The following ANGPTL4 variants were observed in gnomAD, a reference collection of about 807,000 sequenced individuals.
ANGPTL4 encodes angiopoietin like 4.
ANGPTL4 carries 39 observed loss-of-function variants against 39.2 expected under a neutral mutation model. The observed-to-expected ratio is 1.00, with a 90% CI of 0.77 to 1.30. ANGPTL4 has a LOEUF of 1.30. Among genes scored for constraint, ANGPTL4 ranks in the 50% most tolerant of loss-of-function variants. The probability of loss-of-function intolerance (pLI) is 0.00; values close to 1 mark genes in which losing one functional copy is unlikely to be tolerated. For missense variants in ANGPTL4, 545 were observed against 549.8 expected, an observed-to-expected ratio of 0.99 and a Z score of 0.09; for synonymous variants, 233 against 229.5, an observed-to-expected ratio of 1.02 and a Z score of -0.14.
At chr19:8,365,611 C>T (rs950605959) in intron 1 of ANGPTL4, among the ~76,000 whole-genome samples, 1 of 151,924 alleles carries the variant, frequency 6.6e-6, no homozygotes, top group Non-Finnish European at 1.5e-5. Context: ...GCCAAGATTG[C>T]GCCACTGCAC....
intron 1 of ANGPTL4, among the ~76,000 whole-genome samples, chr19:8,365,354 T>C (rs1402144743): frequency 1.3e-5 from 2 of 150,828 alleles, no homozygotes; most frequent in Non-Finnish European, 2.9e-5. Flanking sequence ...GGTGGGCGCC[T>C]GTAATCCCAG....
At chr19:8,366,637 A>G (rs1488057816) in intron 3 of ANGPTL4, among the ~76,000 whole-genome samples, 1 of 152,002 alleles carries the variant, frequency 6.6e-6, no homozygotes, top group East Asian at 1.9e-4. Context: ...GAAGGTAGAA[A>G]TGGGGTTCGG....
chr19:8,368,833 G>A (rs188417596), intron 3 of ANGPTL4, among the ~76,000 whole-genome samples: 16 of 152,252 alleles, frequency 1.1e-4, no homozygotes, highest in East Asian at 3.9e-4. Flanking sequence ...CCAGCCTGGC[G>A]ACAGAGCGAG....
At chr19:8,372,118 G>A (rs896376175) in intron 6 of ANGPTL4, among the ~76,000 whole-genome samples, 3 of 150,540 alleles carry the variant, frequency 2.0e-5, no homozygotes, top group Admixed American at 1.3e-4. Flanking sequence ...TGCAAGTGAC[G>A]TGATCTTGGC....
At position 8,371,109 on chromosome 19, in the gene ANGPTL4, C is replaced by A. The variant is rs761889493; in HGVS notation, c.715C>A (p.Arg239=). 1.8e-5 allele frequency: 29 copies of A among 1,611,238 alleles called. No individual in the cohort carries two copies. Among genetic ancestry groups the A allele is most frequent in the Non-Finnish European group, 2.3e-5 (27 of 1,178,802 alleles). The part of the protein sequence containing the change: ...RRHDGSVDFN[R]PWEAYKAGFG... ...CCACGATGGCTCAGTGGACTTCAAC[C>A]GGCCCTGGGAAGCCTACAAGGCGGG... The change falls in exon 5 of 7, where the codon CGG becomes AGG. Residue 239 remains arginine, a synonymous_variant. Coordinates refer to ENST00000301455, the MANE Select transcript of ANGPTL4 (RefSeq NM_139314.3). This position sits in a 1 kb window ranked among gnomAD's most constrained non-coding sequence, Gnocchi z 5.1.
chr19:8,369,455 CTTTTTTTT>C (rs569969146), intron 4 of ANGPTL4, 123 bp downstream of exon 4: 3 of 324,980 alleles, frequency 9.2e-6, no homozygotes, highest in East Asian at 6.8e-5. Flanking sequence ...CCAAGCTGGT[CTTTTTTTT>C]TTTTTTTTTT....
chr19:8,371,461 C>G lies in ANGPTL4; in HGVS notation c.978C>G (p.Phe326Leu), dbSNP rs570859875. 6.2e-7 allele frequency: 1 copy of G among 1,613,382 alleles called. No individual in the cohort carries two copies. The highest frequency in any genetic ancestry group is 2.2e-5 in the East Asian group (1 of 44,868). Residue 326 changes from phenylalanine to leucine, a missense_variant, in exon 6 of 7, where the codon TTC (phenylalanine) becomes TTG (leucine). Physicochemically the swap from Phe to Leu is conservative, Grantham distance 22. Coordinates refer to ENST00000301455, the MANE Select transcript of ANGPTL4 (RefSeq NM_139314.3). This position sits in a 1 kb window ranked among gnomAD's most constrained non-coding sequence, Gnocchi z 5.1. ...CACCCAGCGGCCTCTCCGTACCCTT[C>G]TCCACTTGGGACCAGGATCACGACC... ...TVPPSGLSVP[F>L]STWDQDHDLR...
chr19:8,370,655 G>A (rs1971096098), intron 4 of ANGPTL4, among the ~76,000 whole-genome samples: 1 of 149,562 alleles, frequency 6.7e-6, no homozygotes, highest in Non-Finnish European at 1.5e-5. Flanking sequence ...AGCTGAGATT[G>A]CGGCACTGCG....
chr19:8,373,688 T>A lies in ANGPTL4; in HGVS notation c.1040-17T>A, dbSNP rs563408134. 1.2e-6 allele frequency: 2 copies of A among 1,613,720 alleles called. No homozygotes were observed. Among genetic ancestry groups the A allele is most frequent in the Non-Finnish European group, 1.7e-6 (2 of 1,179,994 alleles). On this transcript the variant is annotated splice_polypyrimidine_tract_variant and intron_variant, in intron 6 of 6. Coordinates refer to ENST00000301455, the MANE Select transcript of ANGPTL4 (RefSeq NM_139314.3). ...CTCAAAGACCTGACCATGTTCCCTC[T>A]CCCCTGACCCCGGCAGGAGGCTGGT...
rs770222749 is a variant in ANGPTL4 at position 8,371,539 on chromosome 19, A to G, written c.1039+17A>G. 6 of 1,612,678 alleles carry G rather than the reference A, an allele frequency of 3.7e-6. No individual in the cohort carries two copies. In the African/African-American group the frequency reaches 4.0e-5, roughly 11 times the overall value. ...GCCTCTCTGGTGAGCAGGCCCTGCC[A>G]TGCCACACCCAGCCAGCAGCTTCCC... On this transcript the variant is annotated intron_variant, in intron 6 of 6. Transcript: ENST00000301455. This position sits in a 1 kb window ranked among gnomAD's most constrained non-coding sequence, Gnocchi z 5.1.
In ANGPTL4 at chr19:8,364,420, G is replaced by C; in HGVS notation, c.99G>C (p.Pro33=). 1.3e-6 allele frequency: 2 copies of C among 1,549,278 alleles called. No homozygotes were observed. Among genetic ancestry groups the C allele is most frequent in the South Asian group, 2.4e-5 (2 of 84,430 alleles). Residue 33 remains proline (P), a synonymous_variant, in exon 1 of 7, where the codon CCG becomes CCC. Coordinates refer to ENST00000301455, the MANE Select transcript of ANGPTL4 (RefSeq NM_139314.3). ...AQGGPVQSKS[P]RFASWDEMNV... ...GCGGACCCGTGCAGTCCAAGTCGCCGCGCTTTGCGTCCTGGGACGAGATGA... is the reference window on the plus strand; with the variant it reads ...GCGGACCCGTGCAGTCCAAGTCGCCCCGCTTTGCGTCCTGGGACGAGATGA...
intron 4 of ANGPTL4, among the ~76,000 whole-genome samples, chr19:8,369,657 T>C (rs891685923): frequency 2.0e-5 from 3 of 151,908 alleles, no homozygotes; most frequent in Non-Finnish European, 2.9e-5. Flanking sequence ...TTTCACCATG[T>C]TGGTCTGGCT....
chr19:8,372,613 C>T (rs1022930241), intron 6 of ANGPTL4, among the ~76,000 whole-genome samples: 5 of 150,806 alleles, frequency 3.3e-5, no homozygotes, highest in Non-Finnish European at 5.9e-5. Flanking sequence ...AGCAACAGGG[C>T]GAAATCCTGT....
rs770347271 is a variant in ANGPTL4 at position 8,366,280 on chromosome 19, C to T, written c.508C>T (p.Gln170Ter). ...ARRKRLPEMA[Q>*]PVDPAHNVSR... is the part of the protein sequence containing the mutation. Reference sequence around the variant, plus strand: ...AAGAAAGAGGCTGCCCGAGATGGCCCAGCCAGTTGACCCGGCTCACAATGT... The same window carrying T: ...AAGAAAGAGGCTGCCCGAGATGGCCTAGCCAGTTGACCCGGCTCACAATGT... Residue 170 changes from glutamine to a stop codon, truncating the protein, a stop_gained, in exon 3 of 7, where the codon CAG becomes TAG. Transcript: ENST00000301455. LOFTEE classifies it high-confidence loss of function. 2.8e-5 allele frequency: 45 copies of T among 1,614,120 alleles called. No individual in the cohort carries two copies. Among genetic ancestry groups the T allele is most frequent in the Non-Finnish European group, 3.5e-5 (41 of 1,180,030 alleles).
chr19:8,364,641 T>C lies in ANGPTL4; in HGVS notation c.318+2T>C, dbSNP rs753224836. On this transcript the variant is annotated splice_donor_variant, in intron 1 of 6. Coordinates refer to ENST00000301455, the MANE Select transcript of ANGPTL4 (RefSeq NM_139314.3). LOFTEE classifies it high-confidence loss of function. ...CCTGAGGTCCTTCACAGCCTGCAGGTACGTGTCCCCAGGGCTGGTTCTCCG... is the reference window on the plus strand; with the variant it reads ...CCTGAGGTCCTTCACAGCCTGCAGGCACGTGTCCCCAGGGCTGGTTCTCCG... 1 of 1,586,690 alleles carries C rather than the reference T, an allele frequency of 6.3e-7. No individual in the cohort carries two copies. Among genetic ancestry groups the C allele is most frequent in the South Asian group, 1.1e-5 (1 of 87,106 alleles).
In ANGPTL4 at chr19:8,365,945, C is replaced by G. The variant is rs774693784; in HGVS notation, c.319-9C>G. On this transcript the variant is annotated splice_polypyrimidine_tract_variant and intron_variant, in intron 1 of 6. Transcript: ENST00000301455. Reference sequence around the variant, plus strand: ...CTGGGTCCTCACCAAGGTTTTCACCCCTCCCCAGACACAACTCAAGGCTCA... The same window carrying G: ...CTGGGTCCTCACCAAGGTTTTCACCGCTCCCCAGACACAACTCAAGGCTCA... 6.5e-5 allele frequency: 105 copies of G among 1,612,942 alleles called. No individual in the cohort carries two copies. The highest frequency in any genetic ancestry group is 3.7e-5 in the Non-Finnish European group (44 of 1,179,194).
At position 8,364,443 on chromosome 19, in the gene ANGPTL4, T is replaced by G; in HGVS notation, c.122T>G (p.Met41Arg). ...KSPRFASWDE[M>R]NVLAHGLLQL... is the part of the protein sequence containing the mutation. ...CCGCGCTTTGCGTCCTGGGACGAGA[T>G]GAATGTCCTGGCGCACGGACTCCTG... The change falls in exon 1 of 7, where the codon ATG becomes AGG. Residue 41 changes from methionine to arginine, a missense_variant. Physicochemically the swap from Met to Arg is moderately conservative, Grantham distance 91 (BLOSUM62 -1). Transcript: ENST00000301455. 1 of 1,556,378 alleles carries G rather than the reference T, an allele frequency of 6.4e-7. No homozygotes were observed. The highest frequency in any genetic ancestry group is 8.7e-7 in the Non-Finnish European group (1 of 1,152,526).
chr19:8,364,256 C>T lies in ANGPTL4; in HGVS notation c.-66C>T. On this transcript the variant is annotated 5_prime_UTR_variant, in exon 1 of 7. Transcript: ENST00000301455. ...ACCCCCGGTCCTCCGCGTCTCCAGT[C>T]CTCGCACCTGGAACCCCAACGTCCC... 2 of 1,479,926 alleles carry T rather than the reference C, an allele frequency of 1.4e-6. No homozygotes were observed. The highest frequency in any genetic ancestry group is 1.4e-5 in the African/African-American group (1 of 71,800). The allele number at this position is 1,479,926 out of a possible 1,614,324, so 91.7% of individuals were successfully genotyped here.
rs530029296 is a variant in ANGPTL4, at chr19:8,369,168, C to G, written c.548-51C>G. 1.9e-5 allele frequency: 28 copies of G among 1,498,742 alleles called. No individual in the cohort carries two copies. In the African/African-American group the frequency reaches 2.7e-4, roughly 15 times the overall value. 92.8% of individuals were successfully genotyped at this position (1,498,742 alleles called of 1,614,324 possible). A position where few individuals can be genotyped will look rare whatever the true frequency, so the allele number is the denominator to read the frequency against. On this transcript the variant is annotated intron_variant, in intron 3 of 6. Transcript: ENST00000301455. The stretch of plus-strand genomic sequence containing the variant: ...CCAGATATGCCTGGCTCCTGAGACC[C>G]CCCCCAGGGGCTGCCCTCCTGTTTC...
Sources: allele counts gnomAD v4.1 joint callset (sites outside exome capture counted in the v4.1 genomes callset), GRCh38; gene constraint gnomAD v4.1.1; non-coding constraint Gnocchi (gnomAD v3.1); transcripts MANE v1.5; gene names NCBI Gene and HGNC (gene_info 2026-07-23, HGNC 2026-07-21).